Variants in ERBB3 observed in about 807,000 individuals in gnomAD.
ERBB3 encodes the protein erb-b2 receptor tyrosine kinase 3, also known as receptor tyrosine-protein kinase erbB-3.
A neutral mutation model predicts 156.7 loss-of-function variants in ERBB3; 96 were observed. The ratio of observed to expected loss-of-function variants is 0.61; its 90% confidence interval spans 0.52 to 0.73. ERBB3 has a LOEUF of 0.73. Among genes scored for constraint, ERBB3 ranks in the 30% least tolerant of loss-of-function variants. ERBB3 has a pLI of 0.00. For synonymous variants in ERBB3, 567 were observed against 632.0 expected, an observed-to-expected ratio of 0.90 and a Z score of 1.54; for missense variants, 1,406 against 1,709.4, an observed-to-expected ratio of 0.82 and a Z score of 3.13.
chr12:56,087,035 G>A (rs1391977330), intron 4 of ERBB3, among the ~76,000 whole-genome samples: 1 of 151,906 alleles, frequency 6.6e-6, no homozygotes, highest in Non-Finnish European at 1.5e-5. Context: ...CTACTCAGGA[G>A]GCTGAGGCAG....
Position 56,096,759 on chromosome 12 carries a change from C to T in ERBB3, c.2187C>T (p.Ile729=). 6.2e-7 allele frequency: 1 copy of T among 1,613,896 alleles called. No individual in the cohort carries two copies. The highest frequency in any genetic ancestry group is 8.5e-7 in the Non-Finnish European group (1 of 1,179,806). The part of the protein sequence containing the change: ...VFGTVHKGVW[I]PEGESIKIPV... The stretch of plus-strand genomic sequence containing the variant: ...CCCAAACTTCCCAGGGAGTGTGGAT[C>T]CCTGAGGGTGAATCAATCAAGATTC... Residue 729 remains isoleucine (I), a synonymous_variant, in exon 19 of 28, where the codon ATC becomes ATT. Coordinates refer to ENST00000267101, the MANE Select transcript of ERBB3 (RefSeq NM_001982.4).
intron 9 of ERBB3, 102 bp from the exon 10 acceptor site, chr12:56,092,645 A>T: frequency 1.2e-6 from 1 of 825,196 alleles, no homozygotes; most frequent in Non-Finnish European, 2.2e-6. Flanking sequence ...GTTTCCTTTT[A>T]GTGGAGAATG....
In ERBB3 at chr12:56,094,115, G is replaced by A; in HGVS notation, c.1630G>A (p.Ala544Thr). 6.2e-7 allele frequency: 1 copy of A among 1,608,952 alleles called. No homozygotes were observed. The highest frequency in any genetic ancestry group is 8.5e-7 in the Non-Finnish European group (1 of 1,177,056). The change falls in exon 14 of 28, where the codon GCC (alanine) becomes ACC (threonine). Residue 544 changes from alanine (A) to threonine (T), a missense_variant. By Grantham distance (58) the Ala-to-Thr change is moderately conservative. Coordinates refer to ENST00000267101, the MANE Select transcript of ERBB3 (RefSeq NM_001982.4). Reference sequence around the variant, plus strand: ...CCACTACAGGGAGCCTCGAGAATTTGCCCATGAGGCCGAATGCTTCTCCTG... The same window carrying A: ...CCACTACAGGGAGCCTCGAGAATTTACCCATGAGGCCGAATGCTTCTCCTG... ...NFLNGEPREFAHEAECFSCHP... is the reference protein window; with the variant it reads ...NFLNGEPREFTHEAECFSCHP...
chr12:56,085,290 C>G, intron 3 of ERBB3, 109 bp downstream of exon 3: 2 of 1,595,518 alleles, frequency 1.3e-6, no homozygotes, highest in East Asian at 4.5e-5. Context: ...TCCAAGGTGC[C>G]TGTCACCTTG....
In ERBB3 at chr12:56,093,823, CCT is replaced by C. The variant is rs771983298; in HGVS notation, c.1541_1542del (p.Pro514ArgfsTer10). On this transcript the variant is annotated frameshift_variant, in exon 13 of 28. Transcript: ENST00000267101. LOFTEE classifies it high-confidence loss of function. Reference protein sequence around the residue: ...CSSGGCWGPGPGQCLSCRNYS... With the variant: ...CSSGGCWGPGXGQCLSCRNYS... ...CTCTGGGGGATGCTGGGGCCCAGGCCCTGGTCAGTGCTTGTCCTGTCGAAATT... is the reference window on the plus strand; with the variant it reads ...CTCTGGGGGATGCTGGGGCCCAGGCCGGTCAGTGCTTGTCCTGTCGAAATT... The C allele has an allele frequency of 2.2e-5, 35 of 1,613,816 alleles. No homozygotes were observed. Among genetic ancestry groups the C allele is most frequent in the Non-Finnish European group, 2.9e-5 (34 of 1,179,984 alleles).
intron 9 of ERBB3, among the ~76,000 whole-genome samples, chr12:56,090,374 AT>A (rs1332743889): frequency 1.3e-5 from 2 of 152,054 alleles, no homozygotes; most frequent in African/African-American, 4.8e-5. Flanking sequence ...GCTCATGCCT[AT>A]AATCCCAGCA....
chr12:56,080,372 C>A lies in ERBB3; in HGVS notation c.72C>A (p.Asn24Lys), dbSNP rs1408056133. ...FSLARGSEVG[N>K]SQAVCPGTLN... ...TGGCCCGGGGCTCCGAGGTGGGCAA[C>A]TCTCAGGCAGGTAAGTGGCGCGAGA... The change falls in exon 1 of 28, where the codon AAC becomes AAA. Residue 24 changes from asparagine (N) to lysine (K), a missense_variant. By Grantham distance (94) the Asn-to-Lys change is moderately conservative (BLOSUM62 0). Transcript: ENST00000267101. 6.3e-7 allele frequency: 1 copy of A among 1,594,184 alleles called. No homozygotes were observed. The highest frequency in any genetic ancestry group is 8.5e-7 in the Non-Finnish European group (1 of 1,169,740).
Position 56,097,940 on chromosome 12 carries a change from G to A in ERBB3, c.2616G>A (p.Lys872=), listed in dbSNP as rs2136820487. 6.2e-7 allele frequency: 1 copy of A among 1,613,110 alleles called. No homozygotes were observed. Among genetic ancestry groups the A allele is most frequent in the Non-Finnish European group, 8.5e-7 (1 of 1,180,002 alleles). The change falls in exon 21 of 28, where the codon AAG becomes AAA. Residue 872 remains lysine, a splice_region_variant and synonymous_variant. Coordinates refer to ENST00000267101, the MANE Select transcript of ERBB3 (RefSeq NM_001982.4). ...DDKQLLYSEA[K]TPIKWMALES... is the part of the protein sequence containing the mutation. ...AGCAGCTGCTATACAGTGAGGCCAAGGTGAGGAGACACAAAGGGTAAGGAG... is the reference window on the plus strand; with the variant it reads ...AGCAGCTGCTATACAGTGAGGCCAAAGTGAGGAGACACAAAGGGTAAGGAG...
At position 56,103,098 on chromosome 12, in the gene ERBB3, C is replaced by G. The variant is rs1869180883; in HGVS notation, c.*1043C>G. On this transcript the variant is annotated 3_prime_UTR_variant, in exon 28 of 28. Transcript: ENST00000267101. ...TGCCAAGAAAAACTGATTTAAGTTA[C>G]AGCCCTTGTTTAAGGGGCACTGTTT... is the stretch of plus-strand genomic sequence containing the variant. 8.7e-6 allele frequency: 2 copies of G among 230,608 alleles called. No individual in the cohort carries two copies. Among genetic ancestry groups the G allele is most frequent in the Non-Finnish European group, 1.7e-5 (2 of 116,224 alleles). 14.3% of individuals were successfully genotyped at this position (230,608 alleles called of 1,614,324 possible). A position where few individuals can be genotyped will look rare whatever the true frequency, so the allele number is the denominator to read the frequency against.
rs111656432 is a variant in ERBB3 at position 56,099,879 on chromosome 12, T to C, written c.2979T>C (p.His993=). ...GAATAGCCCCTGGGCCAGAGCCCCA[T>C]GGTCTGACAAACAAGAAGCTAGAGG... ...GPGIAPGPEP[H]GLTNKKLEEV... Residue 993 remains histidine, a synonymous_variant, in exon 25 of 28, where the codon CAT becomes CAC. Coordinates refer to ENST00000267101, the MANE Select transcript of ERBB3 (RefSeq NM_001982.4). 22 of 1,614,064 alleles carry C rather than the reference T, an allele frequency of 1.4e-5. No homozygotes were observed. Among genetic ancestry groups the C allele is most frequent in the African/African-American group, 8.0e-5 (6 of 74,918 alleles).
In ERBB3 at chr12:56,102,085, T is replaced by TACTAAACTTCACCTACA; in HGVS notation, c.*30_*31insACTAAACTTCACCTACA. 6.3e-7 allele frequency: 1 copy of TACTAAACTTCACCTACA among 1,591,418 alleles called. No individual in the cohort carries two copies. Among genetic ancestry groups the TACTAAACTTCACCTACA allele is most frequent in the Non-Finnish European group, 8.5e-7 (1 of 1,170,106 alleles). On this transcript the variant is annotated 3_prime_UTR_variant, in exon 28 of 28. Transcript: ENST00000267101. ...TGCTCCCTGTGGCACTCAGGGAGCA[T>TACTAAACTTCACCTACA]TTAATGGCAGCTAGTGCCTTTAGAG... is the stretch of plus-strand genomic sequence containing the variant.
chr12:56,085,593 AAAAAT>A (rs1310876983), intron 3 of ERBB3: 10 of 351,420 alleles, frequency 2.8e-5, no homozygotes, highest in African/African-American at 4.2e-5. Context: ...AAAAATACAA[AAAAAT>A]AAAATAAAAT....
rs1308871472 is a variant in ERBB3, at chr12:56,103,367, G to A, written c.*1312G>A. Reference sequence around the variant, plus strand: ...CCAGCAGTGAGAAGCTTCCAGGTAGGACAGAAAAAAGATCCAGCTTCAGCT... The same window carrying A: ...CCAGCAGTGAGAAGCTTCCAGGTAGAACAGAAAAAAGATCCAGCTTCAGCT... On this transcript the variant is annotated 3_prime_UTR_variant, in exon 28 of 28. Coordinates refer to ENST00000267101, the MANE Select transcript of ERBB3 (RefSeq NM_001982.4). 4.6e-6 allele frequency: 1 copy of A among 218,970 alleles called. No individual in the cohort carries two copies. Among genetic ancestry groups the A allele is most frequent in the Non-Finnish European group, 9.2e-6 (1 of 109,126 alleles). The allele number at this position is 218,970 out of a possible 1,614,324, so 13.6% of individuals were successfully genotyped here.
intron 1 of ERBB3, chr12:56,083,193 GC>G (rs71446532): frequency 1.1e-5 from 2 of 185,914 alleles, no homozygotes; most frequent in African/African-American, 2.4e-5. Context: ...GGGTGGGGCA[GC>G]CCCCCTCCTG....
Position 56,096,525 on chromosome 12 carries a change from G to C in ERBB3, c.2078G>C (p.Ser693Thr), listed in dbSNP as rs763091526. Residue 693 changes from serine (S) to threonine (T), a missense_variant, in exon 18 of 28, where the codon AGT (serine) becomes ACT (threonine). By Grantham distance (58) the Ser-to-Thr change is moderately conservative (BLOSUM62 1). Transcript: ENST00000267101. Reference protein sequence around the residue: ...RGESIEPLDPSEKANKVLARI... With the variant: ...RGESIEPLDPTEKANKVLARI... ...CAGAGCATAGAGCCTCTGGACCCCA[G>C]TGAGAAGGCTAACAAAGTCTTGGCC... The C allele has an allele frequency of 8.1e-6, 13 of 1,614,188 alleles. No homozygotes were observed. The highest frequency in any genetic ancestry group is 1.1e-5 in the Non-Finnish European group (13 of 1,180,034).
chr12:56,096,745 C>T lies in ERBB3; in HGVS notation c.2176-3C>T, dbSNP rs778244400. ...ATGCCAACTCCTGCCCCAAACTTCC[C>T]AGGGAGTGTGGATCCCTGAGGGTGA... On this transcript the variant is annotated splice_polypyrimidine_tract_variant and splice_region_variant and intron_variant, in intron 18 of 27. Coordinates refer to ENST00000267101, the MANE Select transcript of ERBB3 (RefSeq NM_001982.4). 1 of 1,613,562 alleles carries T rather than the reference C, an allele frequency of 6.2e-7. No homozygotes were observed. Among genetic ancestry groups the T allele is most frequent in the South Asian group, 1.1e-5 (1 of 91,048 alleles).
chr12:56,089,228 G>A (rs1205770969), intron 9 of ERBB3: 3 of 436,732 alleles, frequency 6.9e-6, no homozygotes, highest in African/African-American at 6.2e-5. Context: ...CGACCTCCTG[G>A]GCTCAAGTGA....
intron 2 of ERBB3, among the ~76,000 whole-genome samples, chr12:56,084,480 T>C (rs1349229465): frequency 6.6e-6 from 1 of 151,364 alleles, no homozygotes; most frequent in Non-Finnish European, 1.5e-5. Flanking sequence ...TATGGTGGCA[T>C]GCACCTGTAG....
Position 56,102,205 on chromosome 12 carries a change from C to A in ERBB3, c.*150C>A. Reference sequence around the variant, plus strand: ...CATTCAATCTTTGGAGGCTTTTAAACATTTTGACACAAAATTCTTATGGTA... The same window carrying A: ...CATTCAATCTTTGGAGGCTTTTAAAAATTTTGACACAAAATTCTTATGGTA... On this transcript the variant is annotated 3_prime_UTR_variant, in exon 28 of 28. Transcript: ENST00000267101. 1 of 726,050 alleles carries A rather than the reference C, an allele frequency of 1.4e-6. No homozygotes were observed. The highest frequency in any genetic ancestry group is 2.3e-6 in the Non-Finnish European group (1 of 426,286). The allele number at this position is 726,050 out of a possible 1,614,324, so 45.0% of individuals were successfully genotyped here. A position where few individuals can be genotyped will look rare whatever the true frequency, so the allele number is the denominator to read the frequency against.
Sources: gnomAD v4.1 joint callset for allele counts (sites outside exome capture counted in the v4.1 genomes callset) on GRCh38, gnomAD v4.1.1 for gene constraint, MANE v1.5 for transcripts, NCBI Gene and HGNC (gene_info 2026-07-23, HGNC 2026-07-21) for gene names.